THSD7A: variants seen among roughly 807,000 people sequenced by gnomAD.
THSD7A encodes thrombospondin type-1 domain-containing protein 7A.
A neutral mutation model predicts 231.3 loss-of-function variants in THSD7A; 96 were observed. That is an observed-to-expected ratio of 0.41 (90% CI 0.35 to 0.49). The LOEUF is 0.49. Among genes scored for constraint, THSD7A ranks in the 20% least tolerant of loss-of-function variants. The pLI is 0.05. For missense variants in THSD7A, 2,290 were observed against 2,070.2 expected, an observed-to-expected ratio of 1.11 and a Z score of -2.06; for synonymous variants, 940 against 743.3, an observed-to-expected ratio of 1.26 and a Z score of -4.30.
At position 11,371,898 on chromosome 7, in the gene THSD7A, T is replaced by C. The variant is rs1239796784; in HGVS notation, c.*3896A>G. The C allele has an allele frequency of 4.6e-5, 7 of 152,006 alleles. No homozygotes were observed. In the South Asian group the frequency reaches 1.4e-3, roughly 31 times the overall value. The allele number at this position is 152,006 out of a possible 1,614,324, so 9.4% of individuals were successfully genotyped here. Reference sequence around the variant, plus strand: ...GGGAAGGAAATATAGGAATTCTTTTTTTTTTAATTAAAAAATTGGGCATGT... The same window carrying C: ...GGGAAGGAAATATAGGAATTCTTTTCTTTTTAATTAAAAAATTGGGCATGT... On this transcript the variant is annotated 3_prime_UTR_variant, in exon 28 of 28. Transcript: ENST00000423059.
chr7:11,428,153 G>C (rs541896511), intron 14 of THSD7A, among the ~76,000 whole-genome samples: 1 of 152,084 alleles, frequency 6.6e-6, no homozygotes, highest in Non-Finnish European at 1.5e-5. Flanking sequence ...ACATATTTAA[G>C]GACTTGATTC....
intron 1 of THSD7A, among the ~76,000 whole-genome samples, chr7:11,691,288 A>G (rs1225605820): frequency 6.6e-6 from 1 of 151,536 alleles, no homozygotes; most frequent in African/African-American, 2.4e-5. Flanking sequence ...TTCATAAGAA[A>G]GTGCATGGTA....
At chr7:11,658,093 C>T (rs1782777011) in intron 1 of THSD7A, among the ~76,000 whole-genome samples, 1 of 151,660 alleles carries the variant, frequency 6.6e-6, no homozygotes, top group South Asian at 2.1e-4. Flanking sequence ...ATGCATCCAT[C>T]ACCGGGCTAA....
In THSD7A at chr7:11,632,554, T is replaced by A. The variant is rs1389070863; in HGVS notation, c.1022+3576A>T. ...GGTCTTATTTTTACCACTTGCTTTC[T>A]AATTTTCATTTCCTTCTCTTTTCAG... On this transcript the variant is annotated intron_variant, in intron 2 of 27. Coordinates refer to ENST00000423059, the MANE Select transcript of THSD7A (RefSeq NM_015204.3). The surrounding 1 kb of genome is among the most constrained non-coding windows in gnomAD (Gnocchi z 4.1). 6.6e-6 allele frequency among the ~76,000 whole-genome samples: 1 copy of A among 152,206 alleles called. No homozygotes were observed. The highest frequency in any genetic ancestry group is 1.9e-4 in the East Asian group (1 of 5,196).
chr7:11,623,754 G>A (rs1781390492), intron 2 of THSD7A, among the ~76,000 whole-genome samples: 1 of 152,106 alleles, frequency 6.6e-6, no homozygotes, highest in Admixed American at 6.6e-5. Flanking sequence ...ATGTGTCTAG[G>A]TTGAACAAGG....
intron 2 of THSD7A, among the ~76,000 whole-genome samples, chr7:11,614,483 C>G (rs554008656): frequency 6.6e-6 from 1 of 152,296 alleles, no homozygotes; most frequent in South Asian, 2.1e-4. Flanking sequence ...ATGTGTCTCC[C>G]AGTACTGCTG....
intron 1 of THSD7A, among the ~76,000 whole-genome samples, chr7:11,828,455 TC>T (rs1249291821): frequency 1.3e-5 from 2 of 152,198 alleles, no homozygotes; most frequent in Non-Finnish European, 2.9e-5. Context: ...CCTTCACACC[TC>T]CTTTATCAGC....
chr7:11,483,088 T>C (rs576825677), intron 6 of THSD7A, among the ~76,000 whole-genome samples: 1 of 152,284 alleles, frequency 6.6e-6, no homozygotes, highest in South Asian at 2.1e-4. Context: ...ATAAAAAGTG[T>C]GTGCCTCGCA....
intron 1 of THSD7A, among the ~76,000 whole-genome samples, chr7:11,808,588 C>CT (rs1451156292): frequency 2.0e-5 from 3 of 152,264 alleles, no homozygotes; most frequent in Non-Finnish European, 4.4e-5. Flanking sequence ...TTAAAAGATA[C>CT]TTTTTAAAAA....
chr7:11,812,181 GC>G (rs1425600704), intron 1 of THSD7A, among the ~76,000 whole-genome samples: 1 of 151,410 alleles, frequency 6.6e-6, no homozygotes, highest in Non-Finnish European at 1.5e-5. Context: ...GAGAGAGAGT[GC>G]CCCTGTCAGG....
intron 1 of THSD7A, among the ~76,000 whole-genome samples, chr7:11,771,445 CCAATGCAAA>C (rs1783225419): frequency 6.6e-6 from 1 of 151,868 alleles, no homozygotes; most frequent in African/African-American, 2.4e-5. Context: ...ATAAATAAAG[CCAATGCAAA>C]ATATGTAATT....
intron 13 of THSD7A, among the ~76,000 whole-genome samples, chr7:11,437,230 G>A (rs902468862): frequency 2.0e-5 from 3 of 152,080 alleles, no homozygotes; most frequent in Non-Finnish European, 2.9e-5. Flanking sequence ...AATGGCAGAT[G>A]CTCTTCCATC....
rs868383665 is a variant in THSD7A, at chr7:11,679,827, T to C, written c.191-42866A>G. Among the ~76,000 whole-genome samples the C allele has an allele frequency of 5.3e-5, 8 of 152,042 alleles. No homozygotes were observed. The South Asian group carries it at 1.2e-3, about 24-fold the overall frequency. On this transcript the variant is annotated intron_variant, in intron 1 of 27. Transcript: ENST00000423059. ...ATCAAGTTACCACTGCCTTTCTTCATAGAATTGGAAAAAACTACTTTAAAT... is the reference window on the plus strand; with the variant it reads ...ATCAAGTTACCACTGCCTTTCTTCACAGAATTGGAAAAAACTACTTTAAAT...
At chr7:11,774,360 A>G (rs1783331945) in intron 1 of THSD7A, among the ~76,000 whole-genome samples, 1 of 152,154 alleles carries the variant, frequency 6.6e-6, no homozygotes, top group Non-Finnish European at 1.5e-5. Context: ...GAGCTGGTAT[A>G]AAGCTTAAGT....
At chr7:11,556,661 G>T (rs1431415051) in intron 4 of THSD7A, among the ~76,000 whole-genome samples, 2 of 151,572 alleles carry the variant, frequency 1.3e-5, no homozygotes, top group African/African-American at 2.4e-5. Flanking sequence ...AAGTCTACTG[G>T]TAACAACTTC....
intron 2 of THSD7A, among the ~76,000 whole-genome samples, chr7:11,594,496 T>C (rs1780285048): frequency 6.6e-6 from 1 of 152,154 alleles, no homozygotes; most frequent in African/African-American, 2.4e-5. Context: ...TAGTCCTTGG[T>C]GTGAACTGTT....
At chr7:11,468,573 C>G (rs557828582) in intron 9 of THSD7A, among the ~76,000 whole-genome samples, 113 of 152,228 alleles carry the variant, frequency 7.4e-4, no homozygotes, top group African/African-American at 2.1e-3. Flanking sequence ...GTGGCTCGTG[C>G]CTGTAATCTC....
chr7:11,600,165 A>G (rs1049658513), intron 2 of THSD7A, among the ~76,000 whole-genome samples: 1 of 152,106 alleles, frequency 6.6e-6, no homozygotes, highest in African/African-American at 2.4e-5. Context: ...GACTAATATA[A>G]TAACTTAACA....
At chr7:11,556,561 C>T (rs754769308) in intron 4 of THSD7A, among the ~76,000 whole-genome samples, 20 of 151,798 alleles carry the variant, frequency 1.3e-4, no homozygotes, top group Admixed American at 5.3e-4. Context: ...TTTGTTTACC[C>T]GCTCTTTCTC....
Sources: allele counts gnomAD v4.1 joint callset (sites outside exome capture counted in the v4.1 genomes callset), GRCh38; gene constraint gnomAD v4.1.1; non-coding constraint Gnocchi (gnomAD v3.1); transcripts MANE v1.5; gene names NCBI Gene and HGNC (gene_info 2026-07-23, HGNC 2026-07-21).